Variants in PSTPIP2 observed in about 807,000 individuals in gnomAD.
PSTPIP2 encodes proline-serine-threonine phosphatase-interacting protein 2.
PSTPIP2 carries 33 observed loss-of-function variants against 63.3 expected under a neutral mutation model. The observed-to-expected ratio is 0.52, with a 90% CI of 0.40 to 0.70. The LOEUF is 0.70. Ranked by LOEUF, PSTPIP2 falls within the 30% of genes least tolerant of loss-of-function variation. The probability of loss-of-function intolerance (pLI) is 0.00; values close to 1 mark genes in which losing one functional copy is unlikely to be tolerated. For synonymous variants in PSTPIP2, 125 were observed against 132.7 expected (o/e 0.94, Z 0.40); for missense variants, 312 against 400.7 (o/e 0.78, Z 1.89).
At position 45,983,668 on chromosome 18, in the gene PSTPIP2, AC is replaced by A. The variant is rs1382811605; in HGVS notation, c.*1790del. On this transcript the variant is annotated 3_prime_UTR_variant, in exon 15 of 15. Coordinates refer to ENST00000409746, the MANE Select transcript of PSTPIP2 (RefSeq NM_024430.4). ...CAGAGAAAAGGGAAATCCCTGAGGA[AC>A]TGCCAACAATAAATAATATACTTAA... 6.6e-6 allele frequency: 1 copy of A among 152,242 alleles called. No homozygotes were observed. The highest frequency in any genetic ancestry group is 6.5e-5 in the Admixed American group (1 of 15,292). 9.4% of individuals were successfully genotyped at this position (152,242 alleles called of 1,614,324 possible).
intron 2 of PSTPIP2, chr18:46,028,193 T>C: frequency 2.8e-6 from 1 of 354,634 alleles, no homozygotes; most frequent in Non-Finnish European, 5.6e-6. Flanking sequence ...CGCAGTGAGG[T>C]TTCACGCGAG....
intron 6 of PSTPIP2, 36 bp from the exon 7 acceptor site, chr18:45,999,570 G>A (rs1394518071): frequency 6.2e-7 from 1 of 1,608,042 alleles, no homozygotes; most frequent in African/African-American, 1.3e-5. Context: ...CAAAACAAAT[G>A]AACAGAGTGT....
intron 1 of PSTPIP2, among the ~76,000 whole-genome samples, 164 bp downstream of exon 1, chr18:46,071,992 T>C (rs931412853): frequency 2.6e-5 from 4 of 152,176 alleles, no homozygotes; most frequent in Admixed American, 6.5e-5. Flanking sequence ...CCTCGAGCAG[T>C]GGGGCTGGGG....
chr18:46,008,597 T>C (rs957453180), intron 5 of PSTPIP2, among the ~76,000 whole-genome samples: 2 of 151,926 alleles, frequency 1.3e-5, no homozygotes, highest in African/African-American at 4.8e-5. Context: ...GTGAGCCACC[T>C]TGCCCAGCCT....
At chr18:46,004,635 T>C (rs2051705217) in intron 6 of PSTPIP2, among the ~76,000 whole-genome samples, 1 of 152,216 alleles carries the variant, frequency 6.6e-6, no homozygotes, top group Admixed American at 6.5e-5. Context: ...GCCTAAAATA[T>C]TTGAACTGAC....
intron 1 of PSTPIP2, among the ~76,000 whole-genome samples, chr18:46,041,343 C>T (rs993474470): frequency 6.6e-6 from 1 of 152,134 alleles, no homozygotes; most frequent in African/African-American, 2.4e-5. Context: ...ACCTCCTGGG[C>T]TCAAGTGATC....
chr18:46,023,927 C>T (rs1445626116), intron 3 of PSTPIP2, among the ~76,000 whole-genome samples: 1 of 151,724 alleles, frequency 6.6e-6, no homozygotes, highest in Non-Finnish European at 1.5e-5. Flanking sequence ...TATAGCCCTA[C>T]CTACGAAAAG....
intron 4 of PSTPIP2, among the ~76,000 whole-genome samples, chr18:46,013,134 CAAGT>C (rs1209187280): frequency 1.3e-5 from 2 of 151,320 alleles, no homozygotes; most frequent in African/African-American, 4.8e-5. Context: ...AAAAAGAAAA[CAAGT>C]AAAGCCAAAA....
chr18:46,045,024 G>C (rs1433026883), intron 1 of PSTPIP2, among the ~76,000 whole-genome samples: 1 of 152,210 alleles, frequency 6.6e-6, no homozygotes, highest in Non-Finnish European at 1.5e-5. Flanking sequence ...TGTTGGAGAG[G>C]ATGTGGAGAA....
At chr18:46,015,804 C>G in intron 4 of PSTPIP2, 99 bp downstream of exon 4, 1 of 1,337,750 alleles carries the variant, frequency 7.5e-7, no homozygotes, top group Non-Finnish European at 1.0e-6. Flanking sequence ...TTTTTTCACC[C>G]ACTATGAAAC....
chr18:45,984,647 C>T lies in PSTPIP2; in HGVS notation c.*812G>A, dbSNP rs1318063773. The T allele has an allele frequency of 6.6e-6, 1 of 152,156 alleles. No homozygotes were observed. The highest frequency in any genetic ancestry group is 2.4e-5 in the African/African-American group (1 of 41,434). The allele number at this position is 152,156 out of a possible 1,614,324, so 9.4% of individuals were successfully genotyped here. On this transcript the variant is annotated 3_prime_UTR_variant, in exon 15 of 15. Transcript: ENST00000409746. ...CCTCGACCCCACCTTCTTAGTGCAA[C>T]ATAAAATAATGGCATGTTTTACAAT...
At chr18:46,062,682 T>C (rs1397699313) in intron 1 of PSTPIP2, among the ~76,000 whole-genome samples, 1 of 152,024 alleles carries the variant, frequency 6.6e-6, no homozygotes, top group Non-Finnish European at 1.5e-5. Flanking sequence ...ACCTGGCTAA[T>C]TTTTTTCTAC....
chr18:46,019,697 A>T (rs576514636), intron 3 of PSTPIP2, among the ~76,000 whole-genome samples: 2 of 152,318 alleles, frequency 1.3e-5, no homozygotes, highest in African/African-American at 4.8e-5. Flanking sequence ...GCTACTTGGG[A>T]AGCTGAAGCA....
intron 1 of PSTPIP2, among the ~76,000 whole-genome samples, chr18:46,064,433 G>T (rs1421875420): frequency 2.0e-5 from 3 of 146,688 alleles, no homozygotes; most frequent in Non-Finnish European, 1.5e-5. Flanking sequence ...TGGGACTACA[G>T]GCACCCACCA....
chr18:46,012,192 A>G (rs2144083509), intron 4 of PSTPIP2, among the ~76,000 whole-genome samples: 1 of 152,298 alleles, frequency 6.6e-6, no homozygotes, highest in African/African-American at 2.4e-5. Flanking sequence ...TAAAATGTAA[A>G]CCTTTCAGTT....
intron 3 of PSTPIP2, 45 bp downstream of exon 3, chr18:46,024,564 G>T: frequency 6.6e-7 from 1 of 1,507,838 alleles, no homozygotes; most frequent in Non-Finnish European, 9.2e-7. Context: ...GAGCTCCCAG[G>T]CATTATTAAC....
chr18:45,997,583 G>A (rs1234677071), intron 9 of PSTPIP2, among the ~76,000 whole-genome samples, 166 bp downstream of exon 9: 2 of 148,984 alleles, frequency 1.3e-5, no homozygotes, highest in Middle Eastern at 3.4e-3. Flanking sequence ...GTTCTGGGCA[G>A]AAGACCCACC....
At chr18:45,987,849 A>G (rs904401977) in intron 14 of PSTPIP2, among the ~76,000 whole-genome samples, 1 of 152,192 alleles carries the variant, frequency 6.6e-6, no homozygotes, top group Admixed American at 6.5e-5. Context: ...ACCATGCAGT[A>G]TATCTTTGCA....
chr18:46,022,267 A>T (rs946740171), intron 3 of PSTPIP2, among the ~76,000 whole-genome samples: 1 of 102,816 alleles, frequency 9.7e-6, no homozygotes, highest in African/African-American at 2.8e-5. Context: ...GTAGTCTAGG[A>T]TGAGTGTGTG....
Sources: allele counts gnomAD v4.1 joint callset (sites outside exome capture counted in the v4.1 genomes callset), GRCh38; gene constraint gnomAD v4.1.1; transcripts MANE v1.5; gene names NCBI Gene and HGNC (gene_info 2026-07-23, HGNC 2026-07-21).